The following AKAP13 variants were observed in gnomAD, a reference collection of about 807,000 sequenced individuals.
AKAP13 encodes the protein A-kinase anchor protein 13.
A neutral mutation model predicts 264.5 loss-of-function variants in AKAP13; 80 were observed. That is an observed-to-expected ratio of 0.30 (90% CI 0.25 to 0.36). The LOEUF is 0.36. AKAP13 is among the 10% of genes least tolerant of loss of function. The pLI is 1.00. For synonymous variants in AKAP13, 1,380 were observed against 1,250.2 expected, an observed-to-expected ratio of 1.10 and a Z score of -2.19; for missense variants, 3,712 against 3,435.2, an observed-to-expected ratio of 1.08 and a Z score of -2.01.
rs779316883 is a variant in AKAP13, at chr15:85,572,686, AC to A, written c.663-2444del. 3.1e-4 allele frequency among the ~76,000 whole-genome samples: 47 copies of A among 151,882 alleles called. 1 individual carries two copies. Among genetic ancestry groups the A allele is most frequent in the Non-Finnish European group, 5.1e-4 (35 of 67,974 alleles). On this transcript the variant is annotated intron_variant, in intron 5 of 36. Coordinates refer to ENST00000394518, the MANE Select transcript of AKAP13 (RefSeq NM_007200.5). ...AAAAAAAAATTTTTTTTTTATTATTACACTGTAAGTTCTGGGATGCATGTGT... is the reference window on the plus strand; with the variant it reads ...AAAAAAAAATTTTTTTTTTATTATTAACTGTAAGTTCTGGGATGCATGTGT...
intron 8 of AKAP13, among the ~76,000 whole-genome samples, chr15:85,631,500 TCTCACACACACACA>T (rs1319479889): frequency 6.2e-5 from 5 of 80,160 alleles, no homozygotes; most frequent in Admixed American, 1.3e-4. Context: ...TCTCTCTCTC[TCTCACACACACACA>T]CACACACACA....
At chr15:85,619,383 TC>T in intron 8 of AKAP13, 1 of 984,944 alleles carries the variant, frequency 1.0e-6, no homozygotes. Flanking sequence ...GCAGGAGTGG[TC>T]TTTTATTTTT....
chr15:85,622,195 T>C (rs975053376), intron 8 of AKAP13, among the ~76,000 whole-genome samples: 2 of 152,208 alleles, frequency 1.3e-5, no homozygotes, highest in Admixed American at 6.5e-5. Flanking sequence ...CAAACTGTTA[T>C]AATTGATTTG....
intron 1 of AKAP13, among the ~76,000 whole-genome samples, chr15:85,432,070 A>G (rs1359414486): frequency 6.6e-6 from 1 of 152,046 alleles, no homozygotes; most frequent in Non-Finnish European, 1.5e-5. Flanking sequence ...TGGGTGTTGA[A>G]TGTTACATAC....
intron 5 of AKAP13, among the ~76,000 whole-genome samples, chr15:85,569,451 CTTTTTTT>C (rs71468120): frequency 1.6e-5 from 2 of 121,822 alleles, no homozygotes; most frequent in Non-Finnish European, 3.4e-5. Context: ...TTTTTCTTTT[CTTTTTTT>C]TTTTTTTTTT....
intron 14 of AKAP13, among the ~76,000 whole-genome samples, chr15:85,674,300 C>G (rs777733148): frequency 1.3e-5 from 2 of 152,096 alleles, no homozygotes; most frequent in Admixed American, 6.5e-5. Context: ...ACATATAAGG[C>G]CTTAACAAAA....
chr15:85,743,883 G>A, intron 36 of AKAP13, 58 bp downstream of exon 36: 1 of 1,532,342 alleles, frequency 6.5e-7, no homozygotes, highest in Non-Finnish European at 8.7e-7. Context: ...TCTGAGAGAG[G>A]GTAGATTTTA....
chr15:85,630,989 A>G (rs1240829205), intron 8 of AKAP13, among the ~76,000 whole-genome samples: 1 of 152,120 alleles, frequency 6.6e-6, no homozygotes, highest in Non-Finnish European at 1.5e-5. Context: ...ATCATTCGTC[A>G]CAGTCAGAAA....
intron 1 of AKAP13, among the ~76,000 whole-genome samples, chr15:85,384,863 T>G (rs1253714631): frequency 6.6e-6 from 1 of 152,194 alleles, no homozygotes; most frequent in Non-Finnish European, 1.5e-5. Context: ...GATGAATGGA[T>G]AATGTGTTTT....
chr15:85,509,996 A>G (rs1378359097), intron 2 of AKAP13, among the ~76,000 whole-genome samples: 1 of 152,140 alleles, frequency 6.6e-6, no homozygotes, highest in Non-Finnish European at 1.5e-5. Context: ...CTTCCAGGTG[A>G]CCTGTGTTTG....
chr15:85,579,818 C>A lies in AKAP13; in HGVS notation c.1750C>A (p.Gln584Lys), dbSNP rs115087152. The A allele has an allele frequency of 2.8e-4, 454 of 1,614,186 alleles. 1 individual carries two copies. In the East Asian group the frequency reaches 9.0e-3, roughly 32 times the overall value. Residue 584 changes from glutamine to lysine, a missense_variant, in exon 7 of 37, where the codon CAG becomes AAG. Gln to Lys is a moderately conservative substitution (Grantham distance 53). This residue lies in a region of AKAP13 where 2,759 missense variants were observed against 2,411.7 expected (regional missense o/e 1.14). Transcript: ENST00000394518. ...GGAGAGTGCTGATGCTCCAGTAGAT[C>A]AGAATTCTGTGGTGATTCCAGCTGC... ...REESADAPVDQNSVVIPAAAK... is the reference protein window; with the variant it reads ...REESADAPVDKNSVVIPAAAK...
At chr15:85,649,849 A>G (rs1288922455) in intron 10 of AKAP13, among the ~76,000 whole-genome samples, 3 of 152,204 alleles carry the variant, frequency 2.0e-5, no homozygotes, top group Admixed American at 2.0e-4. Context: ...TAAAATATAC[A>G]TGATCTAGGC....
At chr15:85,553,763 C>T (rs1164870338) in intron 5 of AKAP13, among the ~76,000 whole-genome samples, 1 of 152,180 alleles carries the variant, frequency 6.6e-6, no homozygotes, top group Non-Finnish European at 1.5e-5. Context: ...AGGTGAGTGT[C>T]AGGCGGGCGA....
At chr15:85,650,789 A>AACAC (rs1567175503) in intron 10 of AKAP13, among the ~76,000 whole-genome samples, 1 of 116,726 alleles carries the variant, frequency 8.6e-6, no homozygotes, top group Non-Finnish European at 1.9e-5. Flanking sequence ...AAAAAAAAAA[A>AACAC]ACAACAAAAA....
intron 2 of AKAP13, among the ~76,000 whole-genome samples, chr15:85,487,110 G>A (rs1199283995): frequency 6.6e-6 from 1 of 152,140 alleles, no homozygotes; most frequent in East Asian, 1.9e-4. Context: ...TGAAACTATA[G>A]CCTTGTGTCA....
chr15:85,468,977 T>C lies in AKAP13; in HGVS notation c.-11-16733T>C, dbSNP rs7166517. Among the ~76,000 whole-genome samples the C allele has an allele frequency of 2.1e-3, 240 of 116,802 alleles. 14 individuals carry two copies. The highest frequency in any genetic ancestry group is 3.0e-3 in the Non-Finnish European group (175 of 58,482). 76.6% of individuals were successfully genotyped at this position (116,802 alleles called of 152,430 possible). A position where few individuals can be genotyped will look rare whatever the true frequency, so the allele number is the denominator to read the frequency against. ...TCACCCAGGCTGGAGTGCAATGGCGTGATCTCAGCTCACTGCAGCCTCTGC... is the reference window on the plus strand; with the variant it reads ...TCACCCAGGCTGGAGTGCAATGGCGCGATCTCAGCTCACTGCAGCCTCTGC... On this transcript the variant is annotated intron_variant, in intron 1 of 36. Coordinates refer to ENST00000394518, the MANE Select transcript of AKAP13 (RefSeq NM_007200.5).
chr15:85,670,735 A>G (rs1482356996), intron 14 of AKAP13: 1 of 152,082 alleles, frequency 6.6e-6, no homozygotes, highest in Non-Finnish European at 1.5e-5. Flanking sequence ...CTCAAGAAGG[A>G]CAAAGCAAGA....
intron 2 of AKAP13, among the ~76,000 whole-genome samples, chr15:85,504,116 A>C (rs2076116345): frequency 6.6e-6 from 1 of 152,158 alleles, no homozygotes; most frequent in Non-Finnish European, 1.5e-5. Context: ...TTTGGAGAAA[A>C]ACAAGAGAAC....
At chr15:85,572,806 C>T (rs1439588510) in intron 5 of AKAP13, among the ~76,000 whole-genome samples, 1 of 152,130 alleles carries the variant, frequency 6.6e-6, no homozygotes, top group African/African-American at 2.4e-5. Flanking sequence ...TCTGCTAATG[C>T]TCTCCCTCCC....
Sources: gnomAD v4.1 joint callset for allele counts (sites outside exome capture counted in the v4.1 genomes callset) on GRCh38, gnomAD v4.1.1 for gene constraint, gnomAD v4.1.1 regional missense constraint, MANE v1.5 for transcripts, NCBI Gene and HGNC (gene_info 2026-07-23, HGNC 2026-07-21) for gene names.